PRKD1: variants seen among roughly 807,000 people sequenced by gnomAD.
PRKD1 encodes serine/threonine-protein kinase D1.
A neutral mutation model predicts 95.9 loss-of-function variants in PRKD1; 63 were observed. The ratio of observed to expected loss-of-function variants is 0.66; its 90% CI spans 0.54 to 0.81. PRKD1 has a LOEUF of 0.81. PRKD1 is among the 30% of genes least tolerant of loss of function. PRKD1 has a pLI of 0.00. For synonymous variants in PRKD1, 425 were observed against 423.1 expected, an observed-to-expected ratio of 1.00 and a Z score of -0.05; for missense variants, 1,048 against 1,165.3, an observed-to-expected ratio of 0.90 and a Z score of 1.47.
intron 1 of PRKD1, among the ~76,000 whole-genome samples, chr14:29,844,066 G>A (rs919213308): frequency 6.6e-6 from 1 of 152,216 alleles, no homozygotes; most frequent in Admixed American, 6.5e-5. Context: ...CAGAGCTATT[G>A]TGTGGAGGGC....
intron 2 of PRKD1, among the ~76,000 whole-genome samples, chr14:29,685,939 T>C (rs1175340158): frequency 6.6e-6 from 1 of 152,222 alleles, no homozygotes; most frequent in Non-Finnish European, 1.5e-5. Context: ...TTGATGATGA[T>C]AGCTGATTTG....
intron 10 of PRKD1, among the ~76,000 whole-genome samples, chr14:29,629,822 C>T (rs1307655340): frequency 6.6e-6 from 1 of 152,066 alleles, no homozygotes; most frequent in Admixed American, 6.6e-5. Context: ...GTACTCTGCA[C>T]GTCAATACCC....
At chr14:29,871,742 C>T (rs1347676616) in intron 1 of PRKD1, among the ~76,000 whole-genome samples, 1 of 152,282 alleles carries the variant, frequency 6.6e-6, no homozygotes, top group South Asian at 2.1e-4. Flanking sequence ...ATGGTAAGTG[C>T]TCTTACCCTG....
At chr14:29,782,865 T>C (rs1236227583) in intron 1 of PRKD1, among the ~76,000 whole-genome samples, 1 of 152,192 alleles carries the variant, frequency 6.6e-6, no homozygotes, top group Non-Finnish European at 1.5e-5. Flanking sequence ...TTACTGCACA[T>C]ATCTGATGCA....
chr14:29,580,893 A>G (rs1233126022), intron 16 of PRKD1, among the ~76,000 whole-genome samples: 2 of 152,108 alleles, frequency 1.3e-5, no homozygotes, highest in African/African-American at 4.8e-5. Flanking sequence ...TACTTATGAA[A>G]TAAAAAGTTA....
chr14:29,598,136 C>T (rs542472661), intron 15 of PRKD1, among the ~76,000 whole-genome samples: 3 of 151,686 alleles, frequency 2.0e-5, no homozygotes, highest in Admixed American at 6.6e-5. Context: ...ATTAGCCCGG[C>T]GTAGTGGTGT....
intron 1 of PRKD1, among the ~76,000 whole-genome samples, chr14:29,864,198 A>G (rs45506398): frequency 0.01 from 1,587 of 152,248 alleles, 24 homozygotes; most frequent in African/African-American, 0.036. Context: ...CAACATATTA[A>G]TATTCCAACC....
chr14:29,824,984 T>A (rs1299736504), intron 1 of PRKD1, among the ~76,000 whole-genome samples: 1 of 152,108 alleles, frequency 6.6e-6, no homozygotes, highest in Non-Finnish European at 1.5e-5. Context: ...ATCACCTCAA[T>A]AGAAGATCCT....
chr14:29,865,048 C>A (rs1892841431), intron 1 of PRKD1, among the ~76,000 whole-genome samples: 1 of 152,146 alleles, frequency 6.6e-6, no homozygotes, highest in Admixed American at 6.6e-5. Flanking sequence ...GTGCCAACAA[C>A]ATCTAACTAT....
intron 1 of PRKD1, among the ~76,000 whole-genome samples, chr14:29,746,772 AAGC>A (rs1382753207): frequency 6.6e-6 from 1 of 152,164 alleles, no homozygotes; most frequent in Non-Finnish European, 1.5e-5. Context: ...AACCTACTAA[AAGC>A]AGCCTATTTT....
At chr14:29,918,205 T>C (rs1370558280) in intron 1 of PRKD1, among the ~76,000 whole-genome samples, 2 of 152,116 alleles carry the variant, frequency 1.3e-5, no homozygotes, top group Non-Finnish European at 2.9e-5. Flanking sequence ...TACCAAAACA[T>C]TATATATCAT....
chr14:29,595,858 G>T (rs1238177719), intron 16 of PRKD1, among the ~76,000 whole-genome samples: 1 of 152,216 alleles, frequency 6.6e-6, no homozygotes, highest in African/African-American at 2.4e-5. Context: ...TGGATTTCTA[G>T]ATGAGCAATA....
chr14:29,898,702 T>C (rs540030859), intron 1 of PRKD1, among the ~76,000 whole-genome samples: 1 of 152,326 alleles, frequency 6.6e-6, no homozygotes, highest in Non-Finnish European at 1.5e-5. Flanking sequence ...TTGTTTTTAA[T>C]TGAGCTGGTT....
chr14:29,716,797 G>C (rs1885634818), intron 2 of PRKD1, among the ~76,000 whole-genome samples: 1 of 152,144 alleles, frequency 6.6e-6, no homozygotes, highest in Non-Finnish European at 1.5e-5. Flanking sequence ...AGCAAATGGG[G>C]TTATTTGGTC....
At chr14:29,854,513 C>T (rs1046137708) in intron 1 of PRKD1, among the ~76,000 whole-genome samples, 2 of 152,138 alleles carry the variant, frequency 1.3e-5, no homozygotes, top group Non-Finnish European at 2.9e-5. Context: ...GACTTGAGTG[C>T]TGTTAAAGGC....
intron 2 of PRKD1, among the ~76,000 whole-genome samples, chr14:29,681,565 C>T (rs1355818386): frequency 6.6e-6 from 1 of 152,170 alleles, no homozygotes; most frequent in Non-Finnish European, 1.5e-5. Flanking sequence ...GGGACCAACT[C>T]TCCCTCCCTC....
chr14:29,833,244 T>A (rs948769575), intron 1 of PRKD1, among the ~76,000 whole-genome samples: 1 of 152,022 alleles, frequency 6.6e-6, no homozygotes, highest in Non-Finnish European at 1.5e-5. Context: ...ATAAATAGTA[T>A]GTTAAGTAGC....
At chr14:29,915,550 A>G (rs747699728) in intron 1 of PRKD1, among the ~76,000 whole-genome samples, 1 of 152,152 alleles carries the variant, frequency 6.6e-6, no homozygotes, top group Non-Finnish European at 1.5e-5. Flanking sequence ...TATTAATTAT[A>G]AATGCTGAAG....
intron 2 of PRKD1, among the ~76,000 whole-genome samples, chr14:29,716,716 G>T (rs1218330059): frequency 6.6e-6 from 1 of 152,176 alleles, no homozygotes; most frequent in Non-Finnish European, 1.5e-5. Flanking sequence ...CAGAAAGAAA[G>T]CAAGAATATT....
Sources: allele counts gnomAD v4.1 joint callset (sites outside exome capture counted in the v4.1 genomes callset), GRCh38; gene constraint gnomAD v4.1.1; transcripts MANE v1.5; gene names NCBI Gene and HGNC (gene_info 2026-07-23, HGNC 2026-07-21).